The following UNC80 variants were observed in gnomAD, a reference collection of about 807,000 sequenced individuals.
The protein encoded by UNC80 is unc-80 subunit of NALCN channel complex.
UNC80 carries 164 observed loss-of-function variants against 384.6 expected under a neutral mutation model. That is an observed-to-expected ratio of 0.43 (90% CI 0.38 to 0.49). The LOEUF is 0.49. Ranked by LOEUF, UNC80 falls within the 20% of genes least tolerant of loss-of-function variation. UNC80 has a pLI of 0.00. For missense variants in UNC80, 3,330 were observed against 4,143.0 expected (o/e 0.80, Z 5.39); for synonymous variants, 1,486 against 1,527.8 (o/e 0.97, Z 0.64).
intron 27 of UNC80, among the ~76,000 whole-genome samples, chr2:209,895,153 C>T (rs1002822846): frequency 6.6e-6 from 1 of 152,034 alleles, no homozygotes; most frequent in Non-Finnish European, 1.5e-5. Context: ...AAATATGGGC[C>T]CTAATTAGTA....
intron 28 of UNC80, among the ~76,000 whole-genome samples, chr2:209,901,656 G>T (rs1285392014): frequency 6.6e-6 from 1 of 152,144 alleles, no homozygotes; most frequent in Non-Finnish European, 1.5e-5. Flanking sequence ...GCCAGGTGTG[G>T]TGGTTCACAC....
chr2:209,926,970 G>A lies in UNC80; in HGVS notation c.5790G>A (p.Arg1930=). The change falls in exon 36 of 65, where the codon CGG becomes CGA. Residue 1930 remains arginine (R), a synonymous_variant. Transcript: ENST00000673920. ...ATCTGATGGAGGATGGTGAGGTGCGGGAAGATGGAGTAGCAGGTACAGTTT... is the reference window on the plus strand; with the variant it reads ...ATCTGATGGAGGATGGTGAGGTGCGAGAAGATGGAGTAGCAGGTACAGTTT... The part of the protein sequence containing the change: ...IVHLMEDGEV[R]EDGVAVSAVA... The A allele has an allele frequency of 6.4e-7, 1 of 1,551,920 alleles. No individual in the cohort carries two copies. Among genetic ancestry groups the A allele is most frequent in the Non-Finnish European group, 8.7e-7 (1 of 1,146,976 alleles).
At chr2:209,785,031 A>G (rs917681423) in intron 4 of UNC80, among the ~76,000 whole-genome samples, 1 of 152,060 alleles carries the variant, frequency 6.6e-6, no homozygotes, top group African/African-American at 2.4e-5. Context: ...ATGGTTTTCA[A>G]CCTCAGCTAT....
At chr2:209,989,159 C>CAAAA (rs11288927) in intron 61 of UNC80, among the ~76,000 whole-genome samples, 1 of 140,732 alleles carries the variant, frequency 7.1e-6, no homozygotes. Context: ...CAAAAAATAC[C>CAAAA]AAAAAAAAAA....
chr2:209,856,180 C>A (rs552087890), intron 22 of UNC80, among the ~76,000 whole-genome samples: 95 of 152,122 alleles, frequency 6.2e-4, no homozygotes, highest in Middle Eastern at 6.8e-3. Context: ...AAAGTAATAA[C>A]CTTTAATCTA....
chr2:209,932,949 A>T (rs1003091665), intron 38 of UNC80, among the ~76,000 whole-genome samples: 1 of 152,144 alleles, frequency 6.6e-6, no homozygotes, highest in Non-Finnish European at 1.5e-5. Context: ...GAACACCAAA[A>T]CAGATTAGGT....
intron 22 of UNC80, among the ~76,000 whole-genome samples, chr2:209,862,649 C>CTTTTCTTTTT (rs2083427672): frequency 1.3e-5 from 1 of 78,824 alleles, no homozygotes; most frequent in Non-Finnish European, 2.4e-5. Flanking sequence ...GCAACCTCTG[C>CTTTTCTTTTT]TTTTTTTTTT....
At chr2:209,865,160 G>A (rs1350653032) in intron 22 of UNC80, among the ~76,000 whole-genome samples, 3 of 152,116 alleles carry the variant, frequency 2.0e-5, no homozygotes, top group African/African-American at 7.2e-5. Context: ...ACGGGTCACG[G>A]CAGCCTCTTA....
intron 29 of UNC80, among the ~76,000 whole-genome samples, chr2:209,908,594 A>G (rs2088549174): frequency 6.6e-6 from 1 of 152,214 alleles, no homozygotes; most frequent in African/African-American, 2.4e-5. Context: ...TTTCAACCAA[A>G]AAGGAGAGAG....
Position 209,839,502 on chromosome 2 carries a change from C to A in UNC80, c.3250+72C>A, listed in dbSNP as rs1574676387. On this transcript the variant is annotated intron_variant, in intron 19 of 64. Coordinates refer to ENST00000673920, the MANE Select transcript of UNC80 (RefSeq NM_001371986.1). This position sits in a 1 kb window ranked among gnomAD's most constrained non-coding sequence, Gnocchi z 4.1. ...ATGTCCTCAGATCAACTCAGTGATG[C>A]ATAGTAGGGCCGAAAAAGAAGACCT... The A allele has an allele frequency of 3.4e-6, 5 of 1,468,758 alleles. No homozygotes were observed. The East Asian group carries it at 1.2e-4, about 36-fold the overall frequency. 91.0% of individuals were successfully genotyped at this position (1,468,758 alleles called of 1,614,324 possible). A position where few individuals can be genotyped will look rare whatever the true frequency, so the allele number is the denominator to read the frequency against.
At chr2:209,893,343 G>A (rs565368023) in intron 26 of UNC80, among the ~76,000 whole-genome samples, 2 of 152,290 alleles carry the variant, frequency 1.3e-5, no homozygotes, top group African/African-American at 4.8e-5. Flanking sequence ...GAAAAGGAAG[G>A]AGGTGTGTAT....
intron 49 of UNC80, among the ~76,000 whole-genome samples, chr2:209,958,407 A>T (rs960719873): frequency 4.6e-5 from 7 of 152,216 alleles, no homozygotes; most frequent in African/African-American, 1.7e-4. Context: ...TGGCCTGGAA[A>T]TCATAAGGAG....
intron 7 of UNC80, among the ~76,000 whole-genome samples, chr2:209,810,643 AT>A (rs1434623206): frequency 6.6e-6 from 1 of 152,114 alleles, no homozygotes; most frequent in Non-Finnish European, 1.5e-5. Flanking sequence ...ATTTGAAGTA[AT>A]TTATGGAACT....
At chr2:209,797,726 A>C (rs1040040655) in intron 7 of UNC80, among the ~76,000 whole-genome samples, 1 of 152,168 alleles carries the variant, frequency 6.6e-6, no homozygotes, top group Non-Finnish European at 1.5e-5. Flanking sequence ...ATCTTTGAGG[A>C]ATCGACATGC....
Position 209,939,493 on chromosome 2 carries a change from G to T in UNC80, c.6487G>T (p.Glu2163Ter). 1 of 1,550,668 alleles carries T rather than the reference G, an allele frequency of 6.4e-7. No homozygotes were observed. Reference protein sequence around the residue: ...QKQVFTRKLEEVGRVLFLISL... With the variant: ...QKQVFTRKLE ...CCAGGTGTTCACCCGAAAGCTGGAA[G>T]AAGTAGGGCGGGTGTTGTTTCTCAT... The change falls in exon 43 of 65, where the codon GAA (glutamate) becomes TAA (stop). Residue 2163 changes from glutamate (E) to a stop codon, truncating the protein, a stop_gained. Transcript: ENST00000673920. LOFTEE classifies it high-confidence loss of function.
intron 22 of UNC80, among the ~76,000 whole-genome samples, chr2:209,871,359 T>G (rs2084279496): frequency 6.6e-6 from 1 of 152,270 alleles, no homozygotes; most frequent in South Asian, 2.1e-4. Context: ...TAGTGAAAAA[T>G]TATACCTCAT....
In UNC80 at chr2:209,928,726, A is replaced by T. The variant is rs183691048; in HGVS notation, c.5807-1145A>T. On this transcript the variant is annotated intron_variant, in intron 36 of 64. Transcript: ENST00000673920. ...GCTATTTGAGAATATAGAATAAATT[A>T]TTGTTACCTATAGTCACCCTACAGT... Among the ~76,000 whole-genome samples, 397 of 152,302 alleles carry T rather than the reference A, an allele frequency of 2.6e-3. 6 individuals are homozygous for T. The highest frequency in any genetic ancestry group is 1.2e-3 in the Non-Finnish European group (81 of 68,018).
intron 23 of UNC80, among the ~76,000 whole-genome samples, chr2:209,876,859 G>A (rs1186282875): frequency 6.6e-6 from 1 of 152,144 alleles, no homozygotes; most frequent in African/African-American, 2.4e-5. Context: ...AGAGTTTAGG[G>A]AGACCTTTCG....
chr2:209,782,583 C>T (rs2077210932), intron 4 of UNC80, among the ~76,000 whole-genome samples: 1 of 151,716 alleles, frequency 6.6e-6, no homozygotes, highest in South Asian at 2.1e-4. Context: ...TCATTGTACC[C>T]GTGGTAGCTA....
Sources: allele counts gnomAD v4.1 joint callset (sites outside exome capture counted in the v4.1 genomes callset), GRCh38; gene constraint gnomAD v4.1.1; non-coding constraint Gnocchi (gnomAD v3.1); transcripts MANE v1.5; gene names NCBI Gene and HGNC (gene_info 2026-07-23, HGNC 2026-07-21).